Variants in PIEZO2 observed in about 807,000 individuals in gnomAD.
The protein encoded by PIEZO2 is piezo-type mechanosensitive ion channel component 2.
Under a neutral mutation model 337.3 loss-of-function variants are expected in PIEZO2, and 172 were observed. The observed-to-expected ratio is 0.51, with a 90% CI of 0.45 to 0.58. The LOEUF (loss-of-function observed/expected upper bound fraction) is 0.58, where lower values mean the gene tolerates loss of function less well. Among genes scored for constraint, PIEZO2 ranks in the 20% least tolerant of loss-of-function variants. The pLI is 0.00. For synonymous variants in PIEZO2, 1,251 were observed against 1,228.5 expected (o/e 1.02, Z -0.38); for missense variants, 3,028 against 3,391.3 (o/e 0.89, Z 2.66).
In PIEZO2 at chr18:10,821,373, G is replaced by C. The variant is rs2040516493; in HGVS notation, c.918-14099C>G. ...TCTCTTTGATTATAGGAGGATAGCT[G>C]GTCTAGTACACTTCACATATCTTTT... is the stretch of plus-strand genomic sequence containing the variant. On this transcript the variant is annotated intron_variant, in intron 7 of 55. Coordinates refer to ENST00000674853, the MANE Select transcript of PIEZO2 (RefSeq NM_001378183.1). The surrounding 1 kb of genome is among the most constrained non-coding windows in gnomAD (Gnocchi z 4.2). Among the ~76,000 whole-genome samples the C allele has an allele frequency of 6.6e-6, 1 of 151,964 alleles. No homozygotes were observed. Among genetic ancestry groups the C allele is most frequent in the Admixed American group, 6.6e-5 (1 of 15,242 alleles).
At position 10,895,191 on chromosome 18, in the gene PIEZO2, A is replaced by T. The variant is rs1568174460; in HGVS notation, c.329+15995T>A. On this transcript the variant is annotated intron_variant, in intron 4 of 55. Coordinates refer to ENST00000674853, the MANE Select transcript of PIEZO2 (RefSeq NM_001378183.1). This position sits in a 1 kb window ranked among gnomAD's most constrained non-coding sequence, Gnocchi z 4.8. ...CCGAGCATGGTGGCTCATGCCTGTAATCCCAGCATTTTGGGAGGCCAAGGT... is the reference window on the plus strand; with the variant it reads ...CCGAGCATGGTGGCTCATGCCTGTATTCCCAGCATTTTGGGAGGCCAAGGT... 6.6e-6 allele frequency among the ~76,000 whole-genome samples: 1 copy of T among 152,178 alleles called. No homozygotes were observed. Among genetic ancestry groups the T allele is most frequent in the Non-Finnish European group, 1.5e-5 (1 of 68,024 alleles).
Position 10,757,993 on chromosome 18 carries a change from G to C in PIEZO2, c.3899C>G (p.Pro1300Arg). 6.5e-7 allele frequency: 1 copy of C among 1,536,804 alleles called. No homozygotes were observed. The highest frequency in any genetic ancestry group is 1.2e-5 in the South Asian group (1 of 83,988). ...LDAASFSQHN[P>R]VPDFIHCRSY... ...CCTGCAGTGAATAAAATCTGGCACA[G>C]GGTTATGTTGGCTGAAGGAGGCCGC... is the stretch of plus-strand genomic sequence containing the variant. Residue 1300 changes from proline to arginine, a missense_variant, in exon 27 of 56, where the codon CCT becomes CGT. Around this residue, in one of 5 missense-constraint regions of PIEZO2, gnomAD observed 1,925 missense variants for 2,051.9 expected, o/e 0.94. Coordinates refer to ENST00000674853, the MANE Select transcript of PIEZO2 (RefSeq NM_001378183.1).
intron 2 of PIEZO2, among the ~76,000 whole-genome samples, chr18:11,054,712 T>A (rs370279806): frequency 8.5e-5 from 13 of 152,346 alleles, no homozygotes; most frequent in African/African-American, 3.1e-4. Context: ...AAAGAATATT[T>A]ATTTTCAACC....
intron 1 of PIEZO2, among the ~76,000 whole-genome samples, chr18:11,121,757 G>T (rs1209810435): frequency 6.6e-6 from 1 of 152,142 alleles, no homozygotes; most frequent in Non-Finnish European, 1.5e-5. Flanking sequence ...CAGTGAAAAT[G>T]ATCTCTATTA....
intron 18 of PIEZO2, among the ~76,000 whole-genome samples, chr18:10,777,079 G>A (rs1391009065): frequency 2.6e-5 from 4 of 152,202 alleles, no homozygotes; most frequent in South Asian, 2.1e-4. Context: ...CAGGATTCCC[G>A]GAGAAGCCCC....
chr18:10,957,257 C>T (rs1223466402), intron 3 of PIEZO2, among the ~76,000 whole-genome samples: 2 of 152,038 alleles, frequency 1.3e-5, no homozygotes, highest in South Asian at 2.1e-4. Flanking sequence ...ATTAGCCAGG[C>T]ATGGTGGCGT....
chr18:10,701,905 T>TGTCCAGGTTATCTAGGAAGATTACG, intron 43 of PIEZO2, 84 bp downstream of exon 43: 1 of 1,238,440 alleles, frequency 8.1e-7, no homozygotes, highest in African/African-American at 1.6e-5. Context: ...CCAATCCTGA[T>TGTCCAGGTTATCTAGGAAGATTACG]GTCCAGGTTA....
chr18:11,132,937 C>T lies in PIEZO2; in HGVS notation c.64+15588G>A, dbSNP rs2040381078. Among the ~76,000 whole-genome samples, 1 of 152,074 alleles carries T rather than the reference C, an allele frequency of 6.6e-6. No homozygotes were observed. Among genetic ancestry groups the T allele is most frequent in the Admixed American group, 6.5e-5 (1 of 15,268 alleles). On this transcript the variant is annotated intron_variant, in intron 1 of 55. Transcript: ENST00000674853. The surrounding 1 kb of genome is among the most constrained non-coding windows in gnomAD (Gnocchi z 4.7). ...CCAAACCAGGCAGCACTACAAATGA[C>T]CCAAACCCTTCAGGAATGAAGGTTT...
At chr18:10,765,369 C>T (rs1400786811) in intron 21 of PIEZO2, among the ~76,000 whole-genome samples, 1 of 152,122 alleles carries the variant, frequency 6.6e-6, no homozygotes, top group Non-Finnish European at 1.5e-5. Context: ...CTTAGAGTGT[C>T]CAGGAATGGC....
chr18:10,773,264 T>C lies in PIEZO2; in HGVS notation c.2785+148A>G, dbSNP rs759456639. On this transcript the variant is annotated intron_variant, in intron 20 of 55. Coordinates refer to ENST00000674853, the MANE Select transcript of PIEZO2 (RefSeq NM_001378183.1). The surrounding 1 kb of genome is among the most constrained non-coding windows in gnomAD (Gnocchi z 5.3). ...GTTGGAGCAATTGGAACAGTAATAT[T>C]ATAACTATAGCAATCAAACAAAAAC... The C allele has an allele frequency of 3.9e-6, 3 of 771,986 alleles. No homozygotes were observed. Among genetic ancestry groups the C allele is most frequent in the African/African-American group, 1.8e-5 (1 of 57,082 alleles). The allele number at this position is 771,986 out of a possible 1,614,324, so 47.8% of individuals were successfully genotyped here.
Position 11,126,897 on chromosome 18 carries a change from C to T in PIEZO2, c.64+21628G>A, listed in dbSNP as rs536429728. 1.3e-5 allele frequency among the ~76,000 whole-genome samples: 2 copies of T among 152,190 alleles called. No homozygotes were observed. The highest frequency in any genetic ancestry group is 6.5e-5 in the Admixed American group (1 of 15,288). On this transcript the variant is annotated intron_variant, in intron 1 of 55. Transcript: ENST00000674853. This position sits in a 1 kb window ranked among gnomAD's most constrained non-coding sequence, Gnocchi z 4.6. ...AAATGAATGGAGGAATGAATGAACA[C>T]ACTGGTGTCATTTCCATTGCTGTTG... is the stretch of plus-strand genomic sequence containing the variant.
At chr18:10,919,555 A>G (rs2031246031) in intron 3 of PIEZO2, among the ~76,000 whole-genome samples, 1 of 152,016 alleles carries the variant, frequency 6.6e-6, no homozygotes, top group Non-Finnish European at 1.5e-5. Context: ...TGCCACACCT[A>G]CTCACTCTTT....
At chr18:10,832,190 G>A (rs1281462860) in intron 7 of PIEZO2, among the ~76,000 whole-genome samples, 1 of 151,942 alleles carries the variant, frequency 6.6e-6, no homozygotes, top group Non-Finnish European at 1.5e-5. Flanking sequence ...CAGCTACGCC[G>A]AGATCATGCC....
rs1019602587 is a variant in PIEZO2, at chr18:10,736,972, G to A, written c.4709-262C>T. Among the ~76,000 whole-genome samples the A allele has an allele frequency of 2.6e-5, 4 of 152,152 alleles. No homozygotes were observed. The East Asian group carries it at 7.7e-4, about 29-fold the overall frequency. Reference sequence around the variant, plus strand: ...GGCCACTACAGGGTGGATCTGGTATGTTCTCCCTTCTTCATTGTAAAATTT... The same window carrying A: ...GGCCACTACAGGGTGGATCTGGTATATTCTCCCTTCTTCATTGTAAAATTT... On this transcript the variant is annotated intron_variant, in intron 33 of 55. Transcript: ENST00000674853.
At chr18:10,678,273 TTTTTTGTTG>T (rs1304132066) in intron 52 of PIEZO2, among the ~76,000 whole-genome samples, 1 of 152,196 alleles carries the variant, frequency 6.6e-6, no homozygotes, top group Non-Finnish European at 1.5e-5. Context: ...ATTGTTCTGT[TTTTTTGTTG>T]TTTTTGTTGT....
Position 10,672,856 on chromosome 18 carries a change from T to A in PIEZO2, c.8179A>T (p.Ile2727Phe), listed in dbSNP as rs952699419. The change falls in exon 55 of 56, where the codon ATT becomes TTT. Residue 2727 changes from isoleucine to phenylalanine, a missense_variant. Physicochemically the swap from Ile to Phe is conservative, Grantham distance 21. Transcript: ENST00000674853. This position sits in a 1 kb window ranked among gnomAD's most constrained non-coding sequence, Gnocchi z 4.7. The stretch of plus-strand genomic sequence containing the variant: ...TTGTCTCTGGACAAAATGATGGTAA[T>A]ATCCATGAAATTATTTTCTAGAAGG... ...QLLSENNFMD[I>F]TIILSRDNTT... The A allele has an allele frequency of 1.1e-5, 17 of 1,601,164 alleles. No individual in the cohort carries two copies. The highest frequency in any genetic ancestry group is 1.4e-5 in the Non-Finnish European group (17 of 1,175,328).
In PIEZO2 at chr18:10,903,761, C is replaced by A. The variant is rs545542223; in HGVS notation, c.329+7425G>T. On this transcript the variant is annotated intron_variant, in intron 4 of 55. Transcript: ENST00000674853. The surrounding 1 kb of genome is among the most constrained non-coding windows in gnomAD (Gnocchi z 4.1). ...TCCATACCCAGATTTCATGTCTTAT[C>A]AAGTGTGGCTTCACACTTTATCCCT... Among the ~76,000 whole-genome samples the A allele has an allele frequency of 2.0e-5, 3 of 152,282 alleles. No individual in the cohort carries two copies. In the East Asian group the frequency reaches 5.8e-4, roughly 29 times the overall value.
At chr18:10,860,908 T>C (rs1270690468) in intron 5 of PIEZO2, among the ~76,000 whole-genome samples, 1 of 152,234 alleles carries the variant, frequency 6.6e-6, no homozygotes, top group Non-Finnish European at 1.5e-5. Context: ...GTTTTCAGCA[T>C]TTTTATACAG....
In PIEZO2 at chr18:10,857,117, G is replaced by A. The variant is rs772566169; in HGVS notation, c.587C>T (p.Thr196Met). The stretch of plus-strand genomic sequence containing the variant: ...AAGCCTGCGGAACATTTTTAACTTC[G>A]TGCTTTCTTCCAACTCGCCTTCAAC... ...DGVEGELEES[T>M]KLKMFRRLAS... is the part of the protein sequence containing the mutation. The change falls in exon 6 of 56, where the codon ACG becomes ATG. Residue 196 changes from threonine (T) to methionine (M), a missense_variant. Physicochemically the swap from Thr to Met is moderately conservative, Grantham distance 81. Coordinates refer to ENST00000674853, the MANE Select transcript of PIEZO2 (RefSeq NM_001378183.1). 22 of 1,537,646 alleles carry A rather than the reference G, an allele frequency of 1.4e-5. 1 individual carries two copies. Among genetic ancestry groups the A allele is most frequent in the South Asian group, 7.1e-5 (6 of 84,064 alleles).
Sources: allele counts gnomAD v4.1 joint callset (sites outside exome capture counted in the v4.1 genomes callset), GRCh38; gene constraint gnomAD v4.1.1; regional missense constraint gnomAD v4.1.1; non-coding constraint Gnocchi (gnomAD v3.1); transcripts MANE v1.5; gene names NCBI Gene and HGNC (gene_info 2026-07-23, HGNC 2026-07-21).